The following SUMF1 variants were observed in gnomAD, a reference collection of about 807,000 sequenced individuals.
SUMF1 encodes sulfatase modifying factor 1.
A neutral mutation model predicts 47.6 loss-of-function variants in SUMF1; 48 were observed. The ratio of observed to expected loss-of-function variants is 1.01; its 90% CI spans 0.80 to 1.28. The LOEUF (loss-of-function observed/expected upper bound fraction) is 1.28, where lower values mean the gene tolerates loss of function less well. Among genes scored for constraint, SUMF1 ranks in the 50% most tolerant of loss-of-function variants. The pLI is 0.00. For missense variants in SUMF1, 571 were observed against 485.4 expected (o/e 1.18, Z -1.66); for synonymous variants, 230 against 192.1 (o/e 1.20, Z -1.63).
chr3:4,250,474 A>G (rs1696776239), intron 8 of SUMF1, among the ~76,000 whole-genome samples: 1 of 152,198 alleles, frequency 6.6e-6, no homozygotes, highest in African/African-American at 2.4e-5. Flanking sequence ...GCTATCCAGA[A>G]GATATAGCCA....
intron 8 of SUMF1, among the ~76,000 whole-genome samples, chr3:4,138,632 T>C (rs964240654): frequency 1.6e-4 from 25 of 152,128 alleles, no homozygotes; most frequent in African/African-American, 6.0e-4. Flanking sequence ...ACATCACAGC[T>C]AGGATGAGGT....
At chr3:4,220,226 C>G (rs181527424) in intron 8 of SUMF1, among the ~76,000 whole-genome samples, 5 of 152,298 alleles carry the variant, frequency 3.3e-5, no homozygotes, top group South Asian at 2.1e-4. Flanking sequence ...GCTCATCTCT[C>G]TGTGTGTGTG....
chr3:4,350,344 T>C (rs1699471211), intron 8 of SUMF1, among the ~76,000 whole-genome samples: 1 of 146,528 alleles, frequency 6.8e-6, no homozygotes, highest in Non-Finnish European at 1.5e-5. Flanking sequence ...TGTGTGTGTG[T>C]GTGTGTGTGT....
At chr3:4,362,388 T>A in intron 8 of SUMF1, 134 bp from the exon 9 acceptor site, 1 of 749,948 alleles carries the variant, frequency 1.3e-6, no homozygotes, top group Non-Finnish European at 2.3e-6. Context: ...TTAACATGTA[T>A]GCTTTAAAAA....
chr3:4,359,340 C>T (rs1307361078), downstream of SUMF1, among the ~76,000 whole-genome samples: 1 of 151,962 alleles, frequency 6.6e-6, no homozygotes, highest in Non-Finnish European at 1.5e-5. Flanking sequence ...TACAGTGGCA[C>T]AATCATAGTT....
chr3:4,258,423 A>G (rs1697006921), intron 8 of SUMF1, among the ~76,000 whole-genome samples: 1 of 138,754 alleles, frequency 7.2e-6, no homozygotes, highest in Admixed American at 7.2e-5. Flanking sequence ...CAAGAAAAAA[A>G]CAAACAACCC....
chr3:4,306,129 A>G (rs182977452), intron 8 of SUMF1, among the ~76,000 whole-genome samples: 43 of 152,166 alleles, frequency 2.8e-4, no homozygotes, highest in Non-Finnish European at 5.0e-4. Context: ...ATTAGCTTCA[A>G]TATTCCTGCC....
chr3:4,381,294 G>A (rs1450842894), intron 7 of SUMF1, among the ~76,000 whole-genome samples: 1 of 152,144 alleles, frequency 6.6e-6, no homozygotes, highest in Non-Finnish European at 1.5e-5. Context: ...CTACGAGGAT[G>A]CAAAGGCATA....
At chr3:4,082,417 C>T (rs1292507136) in intron 8 of SUMF1, among the ~76,000 whole-genome samples, 3 of 152,136 alleles carry the variant, frequency 2.0e-5, no homozygotes, top group Non-Finnish European at 1.5e-5. Context: ...TGCAATGAGC[C>T]GTGTTCATGC....
intron 8 of SUMF1, among the ~76,000 whole-genome samples, chr3:4,150,726 C>T (rs1694300002): frequency 6.6e-6 from 1 of 151,458 alleles, no homozygotes; most frequent in African/African-American, 2.4e-5. Flanking sequence ...ACAGTGATAC[C>T]ACTATGAAAA....
At chr3:4,069,815 T>A (rs1405408438) in intron 8 of SUMF1, among the ~76,000 whole-genome samples, 1 of 152,158 alleles carries the variant, frequency 6.6e-6, no homozygotes, top group Non-Finnish European at 1.5e-5. Flanking sequence ...AACCCCAAAA[T>A]ATATTTTCTT....
At position 4,057,042 on chromosome 3, in the gene SUMF1, G is replaced by T. The variant is rs1182006164; in HGVS notation, c.1191+11527C>A. On this transcript the variant is annotated intron_variant and NMD_transcript_variant, in intron 9 of 12. Coordinates refer to the SUMF1 transcript ENST00000448413. The stretch of plus-strand genomic sequence containing the variant: ...ATCACAGGCGTGAGCCACCGCGCCC[G>T]GCCGTGATCCATAATTTTTACAACA... Among the ~76,000 whole-genome samples the T allele has an allele frequency of 2.6e-5, 4 of 152,074 alleles. No individual in the cohort carries two copies. The South Asian group carries it at 8.3e-4, about 32-fold the overall frequency.
chr3:4,398,072 T>A (rs970868121), intron 7 of SUMF1, among the ~76,000 whole-genome samples: 1 of 152,166 alleles, frequency 6.6e-6, no homozygotes, highest in Non-Finnish European at 1.5e-5. Context: ...AGTAGGTGGC[T>A]GAGCTATGAC....
intron 8 of SUMF1, among the ~76,000 whole-genome samples, chr3:4,365,158 G>T (rs1324710539): frequency 7.5e-6 from 1 of 134,220 alleles, no homozygotes; most frequent in African/African-American, 2.7e-5. Context: ...TTTTGGAATA[G>T]GTGTGGTGTG....
At chr3:4,398,190 C>T (rs983842116) in intron 7 of SUMF1, among the ~76,000 whole-genome samples, 5 of 151,934 alleles carry the variant, frequency 3.3e-5, no homozygotes, top group Non-Finnish European at 5.9e-5. Context: ...GTAAACCCAC[C>T]GAGGTGGGTT....
intron 8 of SUMF1, among the ~76,000 whole-genome samples, chr3:4,173,515 A>C (rs1365604718): frequency 6.6e-6 from 1 of 152,214 alleles, no homozygotes; most frequent in African/African-American, 2.4e-5. Flanking sequence ...TTGACCCAGC[A>C]ATCCCATTAA....
chr3:4,267,222 G>A (rs553855789), intron 8 of SUMF1, among the ~76,000 whole-genome samples: 2 of 152,056 alleles, frequency 1.3e-5, no homozygotes, highest in Admixed American at 6.5e-5. Context: ...TTTGGTATCA[G>A]AATGATGCTG....
intron 8 of SUMF1, among the ~76,000 whole-genome samples, chr3:4,201,606 G>T (rs1375328763): frequency 6.6e-6 from 1 of 152,110 alleles, no homozygotes; most frequent in Non-Finnish European, 1.5e-5. Flanking sequence ...ATAAACATGG[G>T]AGTGTAGATA....
At chr3:4,156,964 C>T (rs1222710486) in intron 8 of SUMF1, among the ~76,000 whole-genome samples, 2 of 151,528 alleles carry the variant, frequency 1.3e-5, no homozygotes, top group Non-Finnish European at 2.9e-5. Flanking sequence ...ATTTTCACAG[C>T]CTTTCATTTT....
Sources: gnomAD v4.1 joint callset for allele counts (sites outside exome capture counted in the v4.1 genomes callset) on GRCh38, gnomAD v4.1.1 for gene constraint, MANE v1.5 for transcripts, NCBI Gene and HGNC (gene_info 2026-07-23, HGNC 2026-07-21) for gene names.